Variants in ACOXL observed in about 807,000 individuals in gnomAD.
The protein encoded by ACOXL is acyl-coenzyme A oxidase-like protein.
A neutral mutation model predicts 71.9 loss-of-function variants in ACOXL; 70 were observed. The observed-to-expected ratio is 0.97, with a 90% confidence interval of 0.80 to 1.19. The LOEUF (loss-of-function observed/expected upper bound fraction) is 1.19. Ranked by LOEUF, ACOXL falls within the 50% of genes most tolerant of loss-of-function variation. The probability of loss-of-function intolerance (pLI) is 0.00; values close to 1 mark genes in which losing one functional copy is unlikely to be tolerated. For missense variants in ACOXL, 703 were observed against 736.3 expected, an observed-to-expected ratio of 0.95 and a Z score of 0.52; for synonymous variants, 253 against 281.6, an observed-to-expected ratio of 0.90 and a Z score of 1.02.
At chr2:111,067,079 C>G (rs908293020) in intron 16 of ACOXL, among the ~76,000 whole-genome samples, 6 of 152,064 alleles carry the variant, frequency 3.9e-5, no homozygotes, top group African/African-American at 1.4e-4. Flanking sequence ...ATAAAACTTA[C>G]AAAAATGGAT....
chr2:110,857,315 C>G (rs367580652), intron 10 of ACOXL, among the ~76,000 whole-genome samples: 17 of 152,196 alleles, frequency 1.1e-4, no homozygotes, highest in African/African-American at 4.1e-4. Flanking sequence ...ACTTTTTTTC[C>G]GGAAACCCTT....
chr2:110,881,698 A>AT (rs1432933897), intron 10 of ACOXL, among the ~76,000 whole-genome samples: 1 of 152,018 alleles, frequency 6.6e-6, no homozygotes, highest in East Asian at 1.9e-4. Flanking sequence ...GTTACCTTGC[A>AT]TTTTCTAGAG....
chr2:110,767,923 AACACAC>A (rs58524964), intron 1 of ACOXL, among the ~76,000 whole-genome samples: 30,120 of 114,122 alleles, frequency 0.26, 3,995 homozygotes, highest in East Asian at 0.41. Context: ...GTCTCTACTA[AACACAC>A]ACACACACAC....
At chr2:110,941,812 T>G (rs961608724) in intron 12 of ACOXL, among the ~76,000 whole-genome samples, 2 of 152,116 alleles carry the variant, frequency 1.3e-5, no homozygotes, top group African/African-American at 4.8e-5. Flanking sequence ...TCATAAGAAA[T>G]ATTAAAGAAA....
chr2:110,857,161 A>G (rs1559351996), intron 10 of ACOXL, among the ~76,000 whole-genome samples: 1 of 152,092 alleles, frequency 6.6e-6, no homozygotes, highest in African/African-American at 2.4e-5. Flanking sequence ...CTTCTCTGCA[A>G]CTCAACATGT....
At chr2:111,041,942 T>C (rs1027251299) in intron 15 of ACOXL, among the ~76,000 whole-genome samples, 2 of 152,184 alleles carry the variant, frequency 1.3e-5, no homozygotes, top group Non-Finnish European at 2.9e-5. Context: ...AGAAGGAGGA[T>C]GAATGTCTCG....
intron 12 of ACOXL, among the ~76,000 whole-genome samples, chr2:110,978,122 C>G (rs2062541117): frequency 6.6e-6 from 1 of 152,146 alleles, no homozygotes; most frequent in African/African-American, 2.4e-5. Flanking sequence ...AACAGAATAC[C>G]ACTAAGTAAT....
Position 110,933,524 on chromosome 2 carries a change from A to G in ACOXL, c.941A>G (p.Gln314Arg). The change falls in exon 12 of 18, where the codon CAG becomes CGG. Residue 314 changes from glutamine to arginine, a missense_variant. Coordinates refer to ENST00000439055, the MANE Select transcript of ACOXL (RefSeq NM_001142807.4). ...AGALLDEDVF[Q>R]GKELVNSRSL... is the part of the protein sequence containing the mutation. ...GCCCTCCTGGATGAGGATGTCTTCC[A>G]GGGAAAGGAGCTGGTCAACAGTCGC... 1 of 1,614,184 alleles carries G rather than the reference A, an allele frequency of 6.2e-7. No homozygotes were observed.
chr2:110,907,247 CTCTTT>C (rs2059486556), intron 10 of ACOXL, among the ~76,000 whole-genome samples: 1 of 152,162 alleles, frequency 6.6e-6, no homozygotes, highest in Non-Finnish European at 1.5e-5. Flanking sequence ...AGGGACCTTT[CTCTTT>C]TCTTTTTATA....
chr2:110,838,211 G>T lies in ACOXL; in HGVS notation c.754-3160G>T, dbSNP rs374584737. On this transcript the variant is annotated intron_variant, in intron 9 of 17. Coordinates refer to ENST00000439055, the MANE Select transcript of ACOXL (RefSeq NM_001142807.4). ...CATGTGAATAAACACATGCACACAAGCACTAAAAGACTGCATGTGTGCGTG... is the reference window on the plus strand; with the variant it reads ...CATGTGAATAAACACATGCACACAATCACTAAAAGACTGCATGTGTGCGTG... 3.3e-5 allele frequency among the ~76,000 whole-genome samples: 5 copies of T among 152,338 alleles called. No individual in the cohort carries two copies. In the South Asian group the frequency reaches 1.0e-3, roughly 32 times the overall value.
intron 14 of ACOXL, among the ~76,000 whole-genome samples, chr2:111,018,776 G>C (rs985173672): frequency 7.2e-5 from 11 of 152,088 alleles, no homozygotes; most frequent in African/African-American, 2.7e-4. Flanking sequence ...TCAAAGCTGG[G>C]AAGAGAGGAT....
chr2:111,051,268 G>A (rs570032843), intron 16 of ACOXL, among the ~76,000 whole-genome samples: 7 of 152,106 alleles, frequency 4.6e-5, no homozygotes, highest in Non-Finnish European at 1.0e-4. Flanking sequence ...TGTGACAATG[G>A]TATGCTGGGT....
At chr2:111,017,106 T>C (rs139637942) in intron 14 of ACOXL, among the ~76,000 whole-genome samples, 1 of 152,334 alleles carries the variant, frequency 6.6e-6, no homozygotes, top group Non-Finnish European at 1.5e-5. Context: ...TTGGCGTAAG[T>C]GACAACACCG....
intron 12 of ACOXL, among the ~76,000 whole-genome samples, chr2:110,953,771 C>G (rs1176002287): frequency 1.3e-5 from 2 of 152,160 alleles, no homozygotes; most frequent in African/African-American, 4.8e-5. Flanking sequence ...AACTTACAAT[C>G]ATGGCAGAAG....
At chr2:110,739,949 C>G (rs1190624756) in intron 1 of ACOXL, among the ~76,000 whole-genome samples, 1 of 152,172 alleles carries the variant, frequency 6.6e-6, no homozygotes, top group African/African-American at 2.4e-5. Flanking sequence ...TTGAATATCC[C>G]TGTTTAAATA....
At chr2:110,841,489 C>A in intron 10 of ACOXL, 84 bp downstream of exon 10, 3 of 1,172,744 alleles carry the variant, frequency 2.6e-6, no homozygotes, top group South Asian at 1.4e-5. Context: ...AGATTTTGAG[C>A]TTTTTTTTGG....
chr2:111,068,691 A>G (rs2067190919), intron 16 of ACOXL, among the ~76,000 whole-genome samples: 1 of 152,188 alleles, frequency 6.6e-6, no homozygotes, highest in Non-Finnish European at 1.5e-5. Context: ...TTGCCCAACA[A>G]TTAATCCAGA....
intron 11 of ACOXL, among the ~76,000 whole-genome samples, chr2:110,931,981 A>G (rs1188332552): frequency 6.6e-6 from 1 of 152,260 alleles, no homozygotes; most frequent in Non-Finnish European, 1.5e-5. Flanking sequence ...ATGAATTTTC[A>G]TAACAGTTTT....
intron 17 of ACOXL, chr2:111,112,860 G>T (rs1175660225): frequency 6.6e-6 from 1 of 152,196 alleles, no homozygotes; most frequent in Non-Finnish European, 1.5e-5. Flanking sequence ...GCAGGTAAAG[G>T]TCCTTCTAGG....
Sources: gnomAD v4.1 joint callset for allele counts (sites outside exome capture counted in the v4.1 genomes callset) on GRCh38, gnomAD v4.1.1 for gene constraint, MANE v1.5 for transcripts, NCBI Gene and HGNC (gene_info 2026-07-23, HGNC 2026-07-21) for gene names.